The following SNX4 variants were observed in gnomAD, a reference collection of about 807,000 sequenced individuals.
The protein encoded by SNX4 is sorting nexin 4.
A neutral mutation model predicts 70.8 loss-of-function variants in SNX4; 49 were observed. The observed-to-expected ratio is 0.69, with a 90% CI of 0.55 to 0.88. The LOEUF (loss-of-function observed/expected upper bound fraction) is 0.88, where lower values mean the gene tolerates loss of function less well. Ranked by LOEUF, SNX4 falls within the 40% of genes least tolerant of loss-of-function variation. The pLI, the probability that SNX4 is intolerant of heterozygous loss-of-function variation, is 0.00. For synonymous variants in SNX4, 206 were observed against 183.8 expected (o/e 1.12, Z -0.98); for missense variants, 528 against 544.8 (o/e 0.97, Z 0.31).
intron 2 of SNX4, among the ~76,000 whole-genome samples, chr3:125,499,931 G>A (rs1216057314): frequency 1.3e-5 from 2 of 151,960 alleles, no homozygotes; most frequent in South Asian, 2.1e-4. Flanking sequence ...GTGGTGGCAG[G>A]TGCCTGTAAT....
intron 8 of SNX4, among the ~76,000 whole-genome samples, chr3:125,475,663 C>G: frequency 6.6e-6 from 1 of 152,156 alleles, no homozygotes. Context: ...CCACGCCTGG[C>G]TGAGAAAATT....
chr3:125,484,837 G>A (rs1330265591), intron 6 of SNX4, among the ~76,000 whole-genome samples: 1 of 151,992 alleles, frequency 6.6e-6, no homozygotes, highest in Non-Finnish European at 1.5e-5. Context: ...TAGCCAGGCC[G>A]GGTGGATCAC....
intron 7 of SNX4, among the ~76,000 whole-genome samples, chr3:125,478,070 T>C (rs924474727): frequency 6.2e-5 from 9 of 145,912 alleles, no homozygotes; most frequent in African/African-American, 1.3e-4. Flanking sequence ...CTTATTATTA[T>C]TACTATTATT....
At chr3:125,480,812 C>T (rs747774965) in intron 6 of SNX4, among the ~76,000 whole-genome samples, 3 of 152,072 alleles carry the variant, frequency 2.0e-5, no homozygotes, top group South Asian at 2.1e-4. Context: ...CAGATGGGAA[C>T]GACTCCCACC....
At chr3:125,519,939 G>GCCCGC (rs1935368727) in intron 1 of SNX4, 93 bp downstream of exon 1, 1 of 886,396 alleles carries the variant, frequency 1.1e-6, no homozygotes, top group Non-Finnish European at 1.5e-6. Context: ...GAGCCCACTG[G>GCCCGC]CCCGGCCCGG....
intron 13 of SNX4, among the ~76,000 whole-genome samples, chr3:125,450,501 C>T (rs1933545607): frequency 6.6e-6 from 1 of 152,124 alleles, no homozygotes. Flanking sequence ...ATTCATCTTA[C>T]CATGTAATTT....
At chr3:125,456,249 C>T (rs532973307) in intron 11 of SNX4, among the ~76,000 whole-genome samples, 97 of 152,284 alleles carry the variant, frequency 6.4e-4, no homozygotes, top group African/African-American at 1.6e-3. Context: ...CCCTGTTAGG[C>T]GAGATGCACT....
At chr3:125,451,092 C>G (rs1424965903) in intron 13 of SNX4, among the ~76,000 whole-genome samples, 1 of 151,586 alleles carries the variant, frequency 6.6e-6, no homozygotes, top group African/African-American at 2.4e-5. Flanking sequence ...ATAGCGAGAC[C>G]CCCCCATATC....
intron 9 of SNX4, among the ~76,000 whole-genome samples, chr3:125,465,373 G>A (rs1345138031): frequency 6.6e-6 from 1 of 151,514 alleles, no homozygotes; most frequent in African/African-American, 2.4e-5. Context: ...AGCCTCCTGA[G>A]TAGCTGGGAT....
At chr3:125,468,779 G>A (rs1559813252) in intron 9 of SNX4, among the ~76,000 whole-genome samples, 1 of 151,430 alleles carries the variant, frequency 6.6e-6, no homozygotes, top group Non-Finnish European at 1.5e-5. Context: ...AGCCCAGAAG[G>A]TTGAAGCTGC....
rs1933441979 is a variant in SNX4 at position 125,447,060 on chromosome 3, GAGA to G, written c.*716_*718del. 1 of 152,654 alleles carries G rather than the reference GAGA, an allele frequency of 6.6e-6. No homozygotes were observed. Among genetic ancestry groups the G allele is most frequent in the East Asian group, 1.9e-4 (1 of 5,188 alleles). The allele number at this position is 152,654 out of a possible 1,614,324, so 9.5% of individuals were successfully genotyped here. A position where few individuals can be genotyped will look rare whatever the true frequency, so the allele number is the denominator to read the frequency against. On this transcript the variant is annotated 3_prime_UTR_variant, in exon 14 of 14. Coordinates refer to ENST00000251775, the MANE Select transcript of SNX4 (RefSeq NM_003794.4). ...TCATTACTGAGGTTAAGAATTATTTGAGAAGAATTTAATTCTTATATGTAACAT... is the reference window on the plus strand; with the variant it reads ...TCATTACTGAGGTTAAGAATTATTTGAGAATTTAATTCTTATATGTAACAT...
intron 7 of SNX4, 95 bp downstream of exon 7, chr3:125,480,152 C>T: frequency 1.5e-6 from 1 of 684,512 alleles, no homozygotes; most frequent in Non-Finnish European, 2.3e-6. Flanking sequence ...ATCAGTTATT[C>T]ATGGTAAATA....
At chr3:125,459,694 C>G (rs1933826383) in intron 10 of SNX4, among the ~76,000 whole-genome samples, 1 of 152,104 alleles carries the variant, frequency 6.6e-6, no homozygotes, top group African/African-American at 2.4e-5. Context: ...CCGCCTTGGG[C>G]TCCCAAAGTG....
rs555141744 is a variant in SNX4, at chr3:125,455,933, T to C, written c.1044+1333A>G. 2.0e-5 allele frequency among the ~76,000 whole-genome samples: 3 copies of C among 152,080 alleles called. No homozygotes were observed. In the South Asian group the frequency reaches 6.2e-4, roughly 32 times the overall value. On this transcript the variant is annotated intron_variant, in intron 11 of 13. Transcript: ENST00000251775. ...TCAGGAGGCTGAGGCAGGAGAATGG[T>C]GTGAACCCAGGAGGTGGAGCTTGCA...
intron 1 of SNX4, among the ~76,000 whole-genome samples, chr3:125,510,892 G>A (rs1489647278): frequency 6.6e-6 from 1 of 152,144 alleles, no homozygotes; most frequent in East Asian, 1.9e-4. Context: ...CATCAAGATG[G>A]TAAATTTTAT....
Position 125,476,709 on chromosome 3 carries a change from A to G in SNX4, c.774T>C (p.Tyr258=), listed in dbSNP as rs1934296462. ...ATGATGCTTACCTGAAAACTCGACC[A>G]TAATTCCCATGTACTTTATATACAC... ...LYGVYKVHGN[Y]GRVFSEWSAI... Residue 258 remains tyrosine, a synonymous_variant, in exon 8 of 14, where the codon TAT becomes TAC. Transcript: ENST00000251775. The G allele has an allele frequency of 1.3e-6, 2 of 1,593,542 alleles. No homozygotes were observed. Among genetic ancestry groups the G allele is most frequent in the East Asian group, 4.5e-5 (2 of 44,686 alleles).
chr3:125,469,371 T>C (rs571918838), intron 9 of SNX4, 83 bp downstream of exon 9: 17 of 928,690 alleles, frequency 1.8e-5, no homozygotes, highest in Non-Finnish European at 2.6e-5. Flanking sequence ...GCAAACTTGA[T>C]AAAAACAGAA....
In SNX4 at chr3:125,446,691, A is replaced by G. The variant is rs73859193; in HGVS notation, c.*1088T>C. ...TTTATTTATTGTATAAGTTTGGCAA[A>G]CAGCACAAAAATCCAGCAACATTTA... is the stretch of plus-strand genomic sequence containing the variant. On this transcript the variant is annotated 3_prime_UTR_variant, in exon 14 of 14. Transcript: ENST00000251775. 6.5e-6 allele frequency: 1 copy of G among 152,740 alleles called. No homozygotes were observed. Among genetic ancestry groups the G allele is most frequent in the African/African-American group, 2.4e-5 (1 of 41,562 alleles). 9.5% of individuals were successfully genotyped at this position (152,740 alleles called of 1,614,324 possible). A position where few individuals can be genotyped will look rare whatever the true frequency, so the allele number is the denominator to read the frequency against.
chr3:125,508,236 A>C (rs1006049371), intron 1 of SNX4, among the ~76,000 whole-genome samples: 2 of 152,206 alleles, frequency 1.3e-5, no homozygotes, highest in East Asian at 3.8e-4. Context: ...AGTCATATGG[A>C]ATCTCAAGGG....
Sources: allele counts gnomAD v4.1 joint callset (sites outside exome capture counted in the v4.1 genomes callset), GRCh38; gene constraint gnomAD v4.1.1; transcripts MANE v1.5; gene names NCBI Gene and HGNC (gene_info 2026-07-23, HGNC 2026-07-21).